Variants in SGK3 observed in about 807,000 individuals in gnomAD.
SGK3 encodes serine/threonine-protein kinase Sgk3.
In SGK3, 47 loss-of-function variants were observed where a neutral mutation model predicts 68.5. That is an observed-to-expected ratio of 0.69 (90% CI 0.54 to 0.87). The LOEUF (loss-of-function observed/expected upper bound fraction) is 0.87. Among genes scored for constraint, SGK3 ranks in the 40% least tolerant of loss-of-function variants. SGK3 has a pLI of 0.00. For synonymous variants in SGK3, 181 were observed against 189.1 expected, an observed-to-expected ratio of 0.96 and a Z score of 0.35; for missense variants, 479 against 575.5, an observed-to-expected ratio of 0.83 and a Z score of 1.72.
chr8:66,828,073 G>A (rs1362159889), intron 6 of SGK3, among the ~76,000 whole-genome samples: 8 of 151,378 alleles, frequency 5.3e-5, no homozygotes, highest in Non-Finnish European at 1.2e-4. Context: ...GCAGTGAGCC[G>A]AGATCACGCC....
In SGK3 at chr8:66,750,963, C is replaced by T. The variant is rs550598926; in HGVS notation, c.-122+38130C>T. ...CAGAGGTTTCCGTGAGCCAAGATCG[C>T]GCCACTGCACTCCAGCCTGGGTGAT... is the stretch of plus-strand genomic sequence containing the variant. On this transcript the variant is annotated intron_variant, in intron 1 of 16. Coordinates refer to ENST00000521198, the MANE Select transcript of SGK3 (RefSeq NM_001033578.3). Among the ~76,000 whole-genome samples, 8 of 150,722 alleles carry T rather than the reference C, an allele frequency of 5.3e-5. No homozygotes were observed. In the East Asian group the frequency reaches 7.8e-4, roughly 15 times the overall value.
chr8:66,841,740 A>C (rs1424808059), intron 13 of SGK3, among the ~76,000 whole-genome samples: 1 of 152,236 alleles, frequency 6.6e-6, no homozygotes, highest in Non-Finnish European at 1.5e-5. Context: ...ATATGGAAAA[A>C]CAAATCACAA....
chr8:66,725,177 C>T (rs748331783), intron 1 of SGK3, among the ~76,000 whole-genome samples: 1 of 151,794 alleles, frequency 6.6e-6, no homozygotes, highest in Non-Finnish European at 1.5e-5. Context: ...TGCAGTGAGC[C>T]GAGATCGTGA....
chr8:66,748,066 G>A (rs1371603004), intron 1 of SGK3, among the ~76,000 whole-genome samples: 1 of 152,136 alleles, frequency 6.6e-6, no homozygotes, highest in Non-Finnish European at 1.5e-5. Flanking sequence ...ATTACATGAG[G>A]TAATGCTTGT....
chr8:66,846,589 C>T (rs1277268254), intron 14 of SGK3, among the ~76,000 whole-genome samples: 1 of 152,188 alleles, frequency 6.6e-6, no homozygotes, highest in African/African-American at 2.4e-5. Context: ...GCTGGGATTA[C>T]AGGCGTGAGC....
At chr8:66,830,667 G>C (rs907695377) in intron 7 of SGK3, among the ~76,000 whole-genome samples, 1 of 152,022 alleles carries the variant, frequency 6.6e-6, no homozygotes, top group Non-Finnish European at 1.5e-5. Flanking sequence ...TTCTCTTCCT[G>C]GTTTTCCTAT....
chr8:66,755,708 A>G (rs188390237), intron 1 of SGK3, among the ~76,000 whole-genome samples: 143 of 152,320 alleles, frequency 9.4e-4, no homozygotes, highest in African/African-American at 2.8e-3. Context: ...CCAGTGGTGA[A>G]CATGACAGAC....
intron 1 of SGK3, among the ~76,000 whole-genome samples, chr8:66,738,558 T>C (rs1054231957): frequency 6.6e-6 from 1 of 152,198 alleles, no homozygotes; most frequent in Non-Finnish European, 1.5e-5. Flanking sequence ...CAGACTATTC[T>C]AATGAACCCC....
chr8:66,787,384 G>C (rs935128243), intron 1 of SGK3, among the ~76,000 whole-genome samples: 1 of 152,122 alleles, frequency 6.6e-6, no homozygotes, highest in Non-Finnish European at 1.5e-5. Context: ...GGTCTTTTAC[G>C]CTATCTCAAA....
At chr8:66,782,895 G>A (rs1807048981) in intron 1 of SGK3, among the ~76,000 whole-genome samples, 1 of 152,184 alleles carries the variant, frequency 6.6e-6, no homozygotes, top group Admixed American at 6.5e-5. Flanking sequence ...GGGCATCTTG[G>A]TTGTTTCCAA....
chr8:66,856,664 C>G (rs182530536), intron 16 of SGK3, among the ~76,000 whole-genome samples: 125 of 152,260 alleles, frequency 8.2e-4, no homozygotes, highest in Middle Eastern at 6.8e-3. Flanking sequence ...AAAGGCAAGT[C>G]AGAGAACATT....
intron 16 of SGK3, among the ~76,000 whole-genome samples, chr8:66,853,847 A>T (rs1471041973): frequency 2.0e-5 from 3 of 152,236 alleles, no homozygotes; most frequent in Admixed American, 6.5e-5. Flanking sequence ...ACAAACCATG[A>T]ATGGGTACAT....
intron 1 of SGK3, among the ~76,000 whole-genome samples, chr8:66,756,703 C>T (rs1279251919): frequency 1.3e-5 from 2 of 151,476 alleles, no homozygotes; most frequent in African/African-American, 4.9e-5. Context: ...TCTCAGCCCC[C>T]CAAGTAGCTG....
intron 15 of SGK3, among the ~76,000 whole-genome samples, chr8:66,849,090 G>T (rs191312791): frequency 2.0e-5 from 3 of 152,166 alleles, no homozygotes; most frequent in Admixed American, 2.0e-4. Context: ...GTGCCCTGTC[G>T]TCCTAAACCC....
Position 66,798,641 on chromosome 8 carries a change from C to T in SGK3, c.180+16C>T. ...TTATAACACTGTAAGTAATCGTCTA[C>T]AAGATTTCTAATTAAAAGAAAGCAC... On this transcript the variant is annotated intron_variant, in intron 3 of 16. Coordinates refer to ENST00000521198, the MANE Select transcript of SGK3 (RefSeq NM_001033578.3). 1 of 1,569,854 alleles carries T rather than the reference C, an allele frequency of 6.4e-7. No individual in the cohort carries two copies.
chr8:66,724,843 C>T (rs937793320), intron 1 of SGK3, among the ~76,000 whole-genome samples: 4 of 152,186 alleles, frequency 2.6e-5, no homozygotes, highest in African/African-American at 7.2e-5. Flanking sequence ...CATGGTGGCT[C>T]ACGCCTGGGA....
intron 1 of SGK3, among the ~76,000 whole-genome samples, chr8:66,780,630 G>GA (rs1806933849): frequency 6.6e-6 from 1 of 152,158 alleles, no homozygotes; most frequent in Admixed American, 6.5e-5. Flanking sequence ...TGCGAAATAG[G>GA]AAGGAGTTTG....
rs1050685264 is a variant in SGK3, at chr8:66,831,202, G to C, written c.468-52G>C. The C allele has an allele frequency of 3.4e-5, 55 of 1,597,860 alleles. No individual in the cohort carries two copies. The East Asian group carries it at 1.2e-3, about 36-fold the overall frequency. On this transcript the variant is annotated intron_variant, in intron 7 of 16. Coordinates refer to ENST00000521198, the MANE Select transcript of SGK3 (RefSeq NM_001033578.3). ...GGGAGGTGCTAAGAAATGTTTAAAAGTTAATATTTCCAATTTCTAGGAGGC... is the reference window on the plus strand; with the variant it reads ...GGGAGGTGCTAAGAAATGTTTAAAACTTAATATTTCCAATTTCTAGGAGGC...
At chr8:66,848,333 C>T (rs542110906) in intron 15 of SGK3, among the ~76,000 whole-genome samples, 3 of 152,258 alleles carry the variant, frequency 2.0e-5, no homozygotes, top group South Asian at 2.1e-4. Flanking sequence ...CTGTGAACCT[C>T]GTCTGTGCTT....
Sources: gnomAD v4.1 joint callset for allele counts (sites outside exome capture counted in the v4.1 genomes callset) on GRCh38, gnomAD v4.1.1 for gene constraint, MANE v1.5 for transcripts, NCBI Gene and HGNC (gene_info 2026-07-23, HGNC 2026-07-21) for gene names.